SPINK5: variants seen among roughly 807,000 people sequenced by gnomAD.
The protein encoded by SPINK5 is serine protease inhibitor Kazal-type 5.
Under a neutral mutation model 151.8 loss-of-function variants are expected in SPINK5, and 125 were observed. The observed-to-expected ratio is 0.82, with a 90% CI of 0.71 to 0.96. The LOEUF (loss-of-function observed/expected upper bound fraction) is 0.96, where lower values mean the gene tolerates loss of function less well. SPINK5 is among the 40% of genes least tolerant of loss of function. The probability of loss-of-function intolerance (pLI) is 0.00; values close to 1 mark genes in which losing one functional copy is unlikely to be tolerated. For synonymous variants in SPINK5, 374 were observed against 395.3 expected (o/e 0.95, Z 0.64); for missense variants, 1,194 against 1,291.9 (o/e 0.92, Z 1.16).
At chr5:148,076,822 A>G (rs1222744631) in intron 4 of SPINK5, among the ~76,000 whole-genome samples, 1 of 151,718 alleles carries the variant, frequency 6.6e-6, no homozygotes, top group East Asian at 1.9e-4. Context: ...AATAACTGAA[A>G]TGAAAAGTTC....
chr5:148,131,854 G>A (rs1754581893), intron 31 of SPINK5, among the ~76,000 whole-genome samples: 1 of 152,106 alleles, frequency 6.6e-6, no homozygotes. Context: ...GTAGTACCTT[G>A]CAAAAGGAAA....
At chr5:148,124,658 C>A in intron 27 of SPINK5, 107 bp from the exon 28 acceptor site, 2 of 754,068 alleles carry the variant, frequency 2.7e-6, no homozygotes, top group Non-Finnish European at 3.9e-6. Context: ...TATAAGAAAA[C>A]AGTGTTAGAT....
chr5:148,098,321 G>A (rs1753531070), intron 11 of SPINK5, among the ~76,000 whole-genome samples: 1 of 151,996 alleles, frequency 6.6e-6, no homozygotes, highest in African/African-American at 2.4e-5. Context: ...TTCCATGGGA[G>A]TTAAGAGTCC....
chr5:148,120,525 C>A, intron 26 of SPINK5, 134 bp downstream of exon 26: 4 of 1,146,504 alleles, frequency 3.5e-6, no homozygotes, highest in Non-Finnish European at 5.1e-6. Context: ...GAAGTCATGG[C>A]CAGATCTTGA....
intron 10 of SPINK5, among the ~76,000 whole-genome samples, chr5:148,097,396 T>A (rs139696868): frequency 2.0e-5 from 3 of 152,204 alleles, no homozygotes; most frequent in Non-Finnish European, 2.9e-5. Context: ...TATGTTAGAT[T>A]ACCTCAAAAT....
intron 28 of SPINK5, chr5:148,125,382 T>G: frequency 2.7e-6 from 2 of 750,492 alleles, no homozygotes; most frequent in Non-Finnish European, 2.4e-6. Flanking sequence ...CAATCACATT[T>G]GTAGAGTTAG....
chr5:148,084,485 G>A (rs184786421), intron 4 of SPINK5, among the ~76,000 whole-genome samples: 7 of 151,866 alleles, frequency 4.6e-5, no homozygotes, highest in South Asian at 2.1e-4. Flanking sequence ...ATATCCTTGC[G>A]CCTGTTTTCA....
chr5:148,077,636 G>GATATATATATATATATATATATAT (rs1581056845), intron 4 of SPINK5, among the ~76,000 whole-genome samples: 3 of 66,334 alleles, frequency 4.5e-5, no homozygotes, highest in African/African-American at 1.4e-4. Context: ...TGTTTTATCA[G>GATATATATATATATATATATATAT]GTATATATAT....
chr5:148,080,345 A>G (rs1312635080), intron 4 of SPINK5, among the ~76,000 whole-genome samples: 2 of 151,348 alleles, frequency 1.3e-5, no homozygotes, highest in African/African-American at 4.8e-5. Flanking sequence ...CATATTCCCA[A>G]TCAAAATCTT....
chr5:148,091,267 A>G (rs1401607838), intron 8 of SPINK5, 39 bp downstream of exon 8: 4 of 1,570,774 alleles, frequency 2.5e-6, no homozygotes, highest in South Asian at 1.1e-5. Context: ...TCTTGTGGCC[A>G]TATTTATTAA....
intron 20 of SPINK5, among the ~76,000 whole-genome samples, chr5:148,113,186 T>A (rs1159096549): frequency 6.6e-6 from 1 of 152,154 alleles, no homozygotes; most frequent in Non-Finnish European, 1.5e-5. Flanking sequence ...TACAAACATA[T>A]GGGCATGGCT....
At chr5:148,095,782 G>T in intron 9 of SPINK5, 36 bp from the exon 10 acceptor site, 2 of 1,528,048 alleles carry the variant, frequency 1.3e-6, no homozygotes, top group South Asian at 1.1e-5. Flanking sequence ...CATGAAGATC[G>T]GAAGCATCTC....
At position 148,126,608 on chromosome 5, in the gene SPINK5, T is replaced by C. The variant is rs575415697; in HGVS notation, c.2868-375T>C. 2.5e-4 allele frequency among the ~76,000 whole-genome samples: 35 copies of C among 139,708 alleles called. No homozygotes were observed. In the South Asian group the frequency reaches 6.9e-3, roughly 27 times the overall value. 91.7% of individuals were successfully genotyped at this position (139,708 alleles called of 152,430 possible). ...ATTTATTTATTTATTTATTTATTTA[T>C]TGAGACAGAGTCTCACTCTGTTGCC... On this transcript the variant is annotated intron_variant, in intron 29 of 32. Coordinates refer to ENST00000256084, the MANE Select transcript of SPINK5 (RefSeq NM_006846.4).
At chr5:148,070,867 G>A (rs764264589) in intron 3 of SPINK5, among the ~76,000 whole-genome samples, 7 of 152,026 alleles carry the variant, frequency 4.6e-5, no homozygotes, top group Admixed American at 2.0e-4. Context: ...AGACTCTCCC[G>A]TGACAGCCAA....
At chr5:148,106,879 G>A (rs192641658) in intron 16 of SPINK5, among the ~76,000 whole-genome samples, 158 bp from the exon 17 acceptor site, 3 of 152,236 alleles carry the variant, frequency 2.0e-5, no homozygotes, top group Admixed American at 2.0e-4. Context: ...GGACAATTCT[G>A]ATTGATGACG....
intron 4 of SPINK5, among the ~76,000 whole-genome samples, chr5:148,079,970 T>C (rs1437648128): frequency 6.6e-6 from 1 of 150,994 alleles, no homozygotes; most frequent in Non-Finnish European, 1.5e-5. Context: ...GAAGCAACTG[T>C]CTTTAATTCC....
chr5:148,105,709 C>T (rs1014887669), intron 16 of SPINK5, among the ~76,000 whole-genome samples: 6 of 151,964 alleles, frequency 3.9e-5, no homozygotes, highest in Admixed American at 6.6e-5. Flanking sequence ...CTCTGCCGCC[C>T]GGGTTCAAGT....
chr5:148,131,898 T>C lies in SPINK5; in HGVS notation c.3095+509T>C, dbSNP rs563573941. Reference sequence around the variant, plus strand: ...TACAAAAGAAAGCCCAATAAATAAATAGCTGATCTGATGTCTGCTCTCATA... The same window carrying C: ...TACAAAAGAAAGCCCAATAAATAAACAGCTGATCTGATGTCTGCTCTCATA... On this transcript the variant is annotated intron_variant, in intron 31 of 32. Transcript: ENST00000256084. Among the ~76,000 whole-genome samples, 3 of 152,230 alleles carry C rather than the reference T, an allele frequency of 2.0e-5. No individual in the cohort carries two copies. The East Asian group carries it at 5.8e-4, about 29-fold the overall frequency.
In SPINK5 at chr5:148,086,552, G is replaced by T; in HGVS notation, c.410+20G>T. ...GAATGCGTGAGTATTCTCTGAAGTA[G>T]GCTTTCTCCCTAAAACGTGTTCTCT... On this transcript the variant is annotated intron_variant, in intron 5 of 32. Transcript: ENST00000256084. The T allele has an allele frequency of 6.2e-7, 1 of 1,609,146 alleles. No individual in the cohort carries two copies. Among genetic ancestry groups the T allele is most frequent in the South Asian group, 1.1e-5 (1 of 90,874 alleles).
Sources: gnomAD v4.1 joint callset for allele counts (sites outside exome capture counted in the v4.1 genomes callset) on GRCh38, gnomAD v4.1.1 for gene constraint, MANE v1.5 for transcripts, NCBI Gene and HGNC (gene_info 2026-07-23, HGNC 2026-07-21) for gene names.